HEATR4: variants seen among roughly 807,000 people sequenced by gnomAD.
The protein encoded by HEATR4 is HEAT repeat-containing protein 4.
In HEATR4, 95 loss-of-function variants were observed where a neutral mutation model predicts 108.8. The ratio of observed to expected loss-of-function variants is 0.87; its 90% CI spans 0.74 to 1.04. The LOEUF (loss-of-function observed/expected upper bound fraction) is 1.04. Among genes scored for constraint, HEATR4 ranks in the 50% least tolerant of loss-of-function variants. The pLI, the probability that HEATR4 is intolerant of heterozygous loss-of-function variation, is 0.00. For synonymous variants in HEATR4, 443 were observed against 459.4 expected (o/e 0.96, Z 0.46); for missense variants, 1,152 against 1,253.8 (o/e 0.92, Z 1.23).
At chr14:73,619,154 A>G in the HEATR4 span, 6 of 1,477,876 alleles carry the variant, frequency 4.1e-6, no homozygotes, top group Non-Finnish European at 9.0e-7. Context: ...AGAGAAAGCT[A>G]CTTGGAGAAT....
At chr14:73,546,092 C>T (rs1467006440) in intron 1 of HEATR4, among the ~76,000 whole-genome samples, 5 of 113,034 alleles carry the variant, frequency 4.4e-5, no homozygotes, top group African/African-American at 1.4e-4. Flanking sequence ...CGTGATTCTC[C>T]TGCCTCAGCC....
intron 16 of HEATR4, among the ~76,000 whole-genome samples, chr14:73,493,963 G>C (rs1171965254): frequency 6.6e-6 from 1 of 152,212 alleles, no homozygotes; most frequent in Non-Finnish European, 1.5e-5. Flanking sequence ...CTACCAGCTT[G>C]TTCAGTTTTA....
chr14:73,609,928 C>T, the HEATR4 span, among the ~76,000 whole-genome samples: 3,170 of 152,100 alleles, frequency 0.021, 115 homozygotes, highest in African/African-American at 0.071. Context: ...CATGAGCCAC[C>T]GCGCCTGGCC....
At chr14:73,612,596 C>A in the HEATR4 span, 1 of 1,412,314 alleles carries the variant, frequency 7.1e-7, no homozygotes, top group Non-Finnish European at 9.3e-7. Flanking sequence ...GATCCTGGAG[C>A]CCGCGGGCCG....
At chr14:73,610,352 G>A in the HEATR4 span, among the ~76,000 whole-genome samples, 90 of 149,646 alleles carry the variant, frequency 6.0e-4, no homozygotes, top group South Asian at 9.5e-3. Context: ...GAGCAGTGGC[G>A]AGATCTCGGC....
rs371875141 is a variant in HEATR4 at position 73,528,392 on chromosome 14, C to CAAAAAAAA, written c.-73+1766_-73+1773dup. ...GGACGACAAGAGCGAAACTTCATCT[C>CAAAAAAAA]AAAAAAAAAAAAAAAAAAAAAACTT... is the stretch of plus-strand genomic sequence containing the variant. On this transcript the variant is annotated intron_variant, in intron 2 of 17. Transcript: ENST00000553558. Among the ~76,000 whole-genome samples, 127 of 88,462 alleles carry CAAAAAAAA rather than the reference C, an allele frequency of 1.4e-3. 2 individuals carry two copies. Among genetic ancestry groups the CAAAAAAAA allele is most frequent in the African/African-American group, 2.0e-3 (41 of 20,792 alleles). 58.0% of individuals were successfully genotyped at this position (88,462 alleles called of 152,430 possible).
intron 7 of HEATR4, among the ~76,000 whole-genome samples, chr14:73,510,587 C>T (rs935684693): frequency 6.6e-6 from 1 of 152,136 alleles, no homozygotes; most frequent in Non-Finnish European, 1.5e-5. Context: ...AGGCACCTGT[C>T]ACCACGCCTG....
At chr14:73,625,563 T>G in the HEATR4 span, among the ~76,000 whole-genome samples, 1 of 151,276 alleles carries the variant, frequency 6.6e-6, no homozygotes, top group Non-Finnish European at 1.5e-5. Context: ...GGTTTCACCA[T>G]TTGACCAGGC....
chr14:73,573,536 G>T, the HEATR4 span: 1 of 1,613,596 alleles, frequency 6.2e-7, no homozygotes, highest in Non-Finnish European at 8.5e-7. Context: ...CCATGGAGAC[G>T]CTCCATCTGG....
chr14:73,537,706 G>C lies in HEATR4; in HGVS notation c.-151-7462C>G. 3.2e-6 allele frequency: 4 copies of C among 1,245,786 alleles called. 1 individual carries two copies. Among genetic ancestry groups the C allele is most frequent in the Non-Finnish European group, 4.3e-6 (4 of 939,572 alleles). 77.2% of individuals were successfully genotyped at this position (1,245,786 alleles called of 1,614,324 possible). On this transcript the variant is annotated intron_variant, in intron 1 of 17. Coordinates refer to ENST00000553558, the MANE Select transcript of HEATR4 (RefSeq NM_001220484.1). ...AGAAACCCTTGGTGCGGCTGGTGAA[G>C]CGCGACGTGCGAACGCCCTTGGCCG...
At chr14:73,585,351 CCTT>C in the HEATR4 span, among the ~76,000 whole-genome samples, 35 of 152,188 alleles carry the variant, frequency 2.3e-4, no homozygotes, top group East Asian at 4.8e-3. Flanking sequence ...CTGTGCCTCC[CCTT>C]CTTCTCCCCC....
At chr14:73,615,137 C>T in the HEATR4 span, among the ~76,000 whole-genome samples, 1 of 150,914 alleles carries the variant, frequency 6.6e-6, no homozygotes, top group South Asian at 2.1e-4. Flanking sequence ...CCTCTAATCC[C>T]GGCACTTTGG....
intron 14 of HEATR4, among the ~76,000 whole-genome samples, chr14:73,497,337 G>A (rs576182912): frequency 9.2e-5 from 14 of 152,116 alleles, no homozygotes; most frequent in Non-Finnish European, 8.8e-5. Context: ...ACCTCATCTG[G>A]CCAAGACAAT....
Position 73,554,859 on chromosome 14 carries a change from G to A in HEATR4, c.-152+3892C>T, listed in dbSNP as rs939010471. Among the ~76,000 whole-genome samples the A allele has an allele frequency of 1.9e-4, 21 of 113,152 alleles. 4 individuals are homozygous for A. Among genetic ancestry groups the A allele is most frequent in the African/African-American group, 5.4e-4 (19 of 35,046 alleles). The allele number at this position is 113,152 out of a possible 152,430, so 74.2% of individuals were successfully genotyped here. The stretch of plus-strand genomic sequence containing the variant: ...GTACAATACTTATCTGAAACTATAC[G>A]TTTAGAATGGAGCAGTTTAATACTA... On this transcript the variant is annotated intron_variant, in intron 1 of 17. Transcript: ENST00000553558.
At chr14:73,498,437 C>CAAAAGGGAAGGT in intron 13 of HEATR4, 93 bp from the exon 14 acceptor site, 2 of 1,100,884 alleles carry the variant, frequency 1.8e-6, no homozygotes, top group Non-Finnish European at 2.6e-6. Context: ...CAATACCTTC[C>CAAAAGGGAAGGT]CTTTTGGATG....
the HEATR4 span, chr14:73,593,813 A>G: frequency 9.3e-7 from 1 of 1,073,186 alleles, no homozygotes; most frequent in Non-Finnish European, 1.4e-6. Flanking sequence ...GCTCTAGCTT[A>G]TTATAACTTT....
the HEATR4 span, among the ~76,000 whole-genome samples, chr14:73,605,418 T>C: frequency 6.6e-6 from 1 of 152,172 alleles, no homozygotes; most frequent in African/African-American, 2.4e-5. Context: ...ACTTAGTTTA[T>C]AGGTTATAGT....
the HEATR4 span, among the ~76,000 whole-genome samples, chr14:73,575,924 G>C: frequency 6.6e-6 from 1 of 151,900 alleles, no homozygotes; most frequent in East Asian, 1.9e-4. Flanking sequence ...GGCTGAGGTG[G>C]GCGGATCACT....
In HEATR4 at chr14:73,522,515, C is replaced by T. The variant is rs755190660; in HGVS notation, c.638G>A (p.Arg213His). 31 of 1,614,196 alleles carry T rather than the reference C, an allele frequency of 1.9e-5. No individual in the cohort carries two copies. The South Asian group carries it at 2.2e-4, about 11-fold the overall frequency. The change falls in exon 3 of 18, where the codon CGC becomes CAC. Residue 213 changes from arginine to histidine, a missense_variant. Arg to His is a conservative substitution (Grantham distance 29, BLOSUM62 0). Coordinates refer to ENST00000553558, the MANE Select transcript of HEATR4 (RefSeq NM_001220484.1). Reference protein sequence around the residue: ...EATVLEKLNERTARWIQSKRP... With the variant: ...EATVLEKLNEHTARWIQSKRP... ...CTTGCTCTGGATCCATCGGGCTGTG[C>T]GCTCGTTCAGCTTTTCCAGCACAGT...
Sources: gnomAD v4.1 joint callset for allele counts (sites outside exome capture counted in the v4.1 genomes callset) on GRCh38, gnomAD v4.1.1 for gene constraint, MANE v1.5 for transcripts, NCBI Gene and HGNC (gene_info 2026-07-23, HGNC 2026-07-21) for gene names.